Variants in MGAT4C observed in about 807,000 individuals in gnomAD.
MGAT4C encodes the protein MGAT4 family member C.
A neutral mutation model predicts 40.1 loss-of-function variants in MGAT4C; 19 were observed. The ratio of observed to expected loss-of-function variants is 0.47; its 90% CI spans 0.33 to 0.70. The LOEUF (loss-of-function observed/expected upper bound fraction) is 0.70, where lower values mean the gene tolerates loss of function less well. Among genes scored for constraint, MGAT4C ranks in the 30% least tolerant of loss-of-function variants. The pLI, the probability that MGAT4C is intolerant of heterozygous loss-of-function variation, is 0.02. For synonymous variants in MGAT4C, 181 were observed against 187.1 expected (o/e 0.97, Z 0.27); for missense variants, 491 against 563.2 (o/e 0.87, Z 1.30).
rs17014000 is a variant in MGAT4C, at chr12:86,419,627, G to T, written c.-120+15530C>A. Among the ~76,000 whole-genome samples, 350 of 152,194 alleles carry T rather than the reference G, an allele frequency of 2.3e-3. 1 individual carries two copies. The highest frequency in any genetic ancestry group is 8.2e-3 in the African/African-American group (340 of 41,522). ...CAAATCTTCTGAAGGGAGTAAAAAA[G>T]AAGTAAAAATAGAGCAATGGATAGT... is the stretch of plus-strand genomic sequence containing the variant. On this transcript the variant is annotated intron_variant, in intron 3 of 7. Coordinates refer to the MGAT4C transcript ENST00000548651.
At position 85,958,014 on chromosome 12, in the gene MGAT4C, G is replaced by C. The variant is rs1350078968; in HGVS notation, c.*21275C>G. On this transcript the variant is annotated 3_prime_UTR_variant, in exon 5 of 5. Coordinates refer to ENST00000611864, the MANE Select transcript of MGAT4C (RefSeq NM_001351288.2). ...ATTCTTCCAAATACAAGACTGAATT[G>C]TTTACAGTTTTTCTAAGTGTTTTTG... 1 of 145,918 alleles carries C rather than the reference G, an allele frequency of 6.9e-6. No individual in the cohort carries two copies. The highest frequency in any genetic ancestry group is 1.5e-5 in the Non-Finnish European group (1 of 65,634). The allele number at this position is 145,918 out of a possible 1,614,324, so 9.0% of individuals were successfully genotyped here.
chr12:86,695,981 G>A (rs1458464643), intron 2 of MGAT4C, among the ~76,000 whole-genome samples: 1 of 152,094 alleles, frequency 6.6e-6, no homozygotes, highest in East Asian at 1.9e-4. Flanking sequence ...GGAGGCTGAA[G>A]AGGGCAGATC....
At chr12:86,249,296 T>C (rs1208511482) in intron 1 of MGAT4C, among the ~76,000 whole-genome samples, 1 of 152,152 alleles carries the variant, frequency 6.6e-6, no homozygotes, top group African/African-American at 2.4e-5. Context: ...GTGACCCACC[T>C]TTCTATTCTT....
chr12:86,457,959 A>C (rs2136292774), intron 2 of MGAT4C, among the ~76,000 whole-genome samples: 1 of 152,178 alleles, frequency 6.6e-6, no homozygotes, highest in African/African-American at 2.4e-5. Context: ...ACAATTTTTT[A>C]ATTTGATAAT....
intron 1 of MGAT4C, among the ~76,000 whole-genome samples, chr12:86,182,591 CTCTT>C (rs1888250365): frequency 6.6e-6 from 1 of 151,964 alleles, no homozygotes; most frequent in African/African-American, 2.4e-5. Flanking sequence ...TTTCTTCTCT[CTCTT>C]TATTCATTTT....
intron 4 of MGAT4C, among the ~76,000 whole-genome samples, chr12:86,330,890 C>A (rs1030085270): frequency 1.3e-5 from 2 of 152,102 alleles, no homozygotes; most frequent in Non-Finnish European, 2.9e-5. Flanking sequence ...CCAAAGAGAT[C>A]TTCAAACTAC....
At chr12:86,488,130 T>G (rs1406613385) in intron 2 of MGAT4C, among the ~76,000 whole-genome samples, 1 of 151,946 alleles carries the variant, frequency 6.6e-6, no homozygotes, top group Non-Finnish European at 1.5e-5. Context: ...ATGCTTGTTA[T>G]CTCAACACCT....
chr12:86,662,441 C>T (rs1964002482), intron 2 of MGAT4C, among the ~76,000 whole-genome samples: 1 of 152,102 alleles, frequency 6.6e-6, no homozygotes, highest in Non-Finnish European at 1.5e-5. Flanking sequence ...TAGGCAATGA[C>T]CTATGTGTGT....
chr12:86,039,778 G>C (rs549683732), intron 2 of MGAT4C, among the ~76,000 whole-genome samples: 7 of 152,274 alleles, frequency 4.6e-5, no homozygotes, highest in African/African-American at 1.7e-4. Flanking sequence ...GCAGGGAGTT[G>C]TGATCCTTTG....
chr12:86,492,378 A>G (rs549155627), intron 2 of MGAT4C, among the ~76,000 whole-genome samples: 17 of 152,226 alleles, frequency 1.1e-4, no homozygotes, highest in South Asian at 8.3e-4. Context: ...GAGGCATCAC[A>G]CTACCTGACT....
intron 2 of MGAT4C, among the ~76,000 whole-genome samples, chr12:86,668,602 G>A (rs895995931): frequency 2.6e-5 from 4 of 152,190 alleles, no homozygotes; most frequent in African/African-American, 4.8e-5. Context: ...TGTGTGACTC[G>A]GAAGAGTGGC....
chr12:86,541,785 C>T (rs1229674123), intron 2 of MGAT4C, among the ~76,000 whole-genome samples: 2 of 152,134 alleles, frequency 1.3e-5, no homozygotes, highest in Non-Finnish European at 2.9e-5. Context: ...TGATTCATCT[C>T]CAACCTGATT....
At chr12:86,264,175 C>G (rs369494167) in intron 4 of MGAT4C, among the ~76,000 whole-genome samples, 1 of 152,082 alleles carries the variant, frequency 6.6e-6, no homozygotes, top group African/African-American at 2.4e-5. Context: ...TGTGCAGAAG[C>G]TTTTTAGTTT....
intron 2 of MGAT4C, among the ~76,000 whole-genome samples, chr12:86,479,004 T>G (rs1957888058): frequency 6.6e-6 from 1 of 152,058 alleles, no homozygotes; most frequent in Non-Finnish European, 1.5e-5. Flanking sequence ...GACACGTGAC[T>G]TTTTTACACC....
intron 1 of MGAT4C, among the ~76,000 whole-genome samples, chr12:86,823,619 T>C (rs1426528035): frequency 1.3e-5 from 2 of 149,512 alleles, no homozygotes; most frequent in Non-Finnish European, 3.0e-5. Flanking sequence ...AAAAAAGATA[T>C]CCAGGATAGA....
At chr12:86,739,407 T>C (rs1381711206) in intron 1 of MGAT4C, among the ~76,000 whole-genome samples, 3 of 150,948 alleles carry the variant, frequency 2.0e-5, no homozygotes, top group African/African-American at 7.3e-5. Context: ...ACTCTTTTAA[T>C]AACATCCAAA....
At chr12:86,352,839 G>A (rs539856503) in intron 3 of MGAT4C, among the ~76,000 whole-genome samples, 13 of 151,078 alleles carry the variant, frequency 8.6e-5, no homozygotes, top group Non-Finnish European at 1.6e-4. Context: ...GACACAGGAA[G>A]GGGAACATCA....
chr12:86,526,900 C>T lies in MGAT4C; in HGVS notation c.-228-91635G>A, dbSNP rs771262032. Among the ~76,000 whole-genome samples, 30 of 152,148 alleles carry T rather than the reference C, an allele frequency of 2.0e-4. 1 individual carries two copies. Among genetic ancestry groups the T allele is most frequent in the Admixed American group, 1.1e-3 (17 of 15,270 alleles). The stretch of plus-strand genomic sequence containing the variant: ...CTGCTGGAATTCTAGAGGCCTGTGG[C>T]GAGAGTGGGTTCCTCCTTGCCAGTT... On this transcript the variant is annotated intron_variant, in intron 2 of 7. Coordinates refer to the MGAT4C transcript ENST00000548651.
intron 1 of MGAT4C, among the ~76,000 whole-genome samples, chr12:86,226,015 G>C (rs1482745227): frequency 6.6e-6 from 1 of 151,752 alleles, no homozygotes; most frequent in Non-Finnish European, 1.5e-5. Flanking sequence ...TCTCTTCACT[G>C]GGAGGAAGCA....
Sources: allele counts gnomAD v4.1 joint callset (sites outside exome capture counted in the v4.1 genomes callset), GRCh38; gene constraint gnomAD v4.1.1; transcripts MANE v1.5; gene names NCBI Gene and HGNC (gene_info 2026-07-23, HGNC 2026-07-21).